Variants in TMEM132B observed in about 807,000 individuals in gnomAD.
TMEM132B encodes the protein transmembrane protein 132B.
In TMEM132B, 18 loss-of-function variants were observed where a neutral mutation model predicts 90.8. That is an observed-to-expected ratio of 0.20 (90% confidence interval 0.14 to 0.29). TMEM132B has a LOEUF of 0.29. Ranked by LOEUF, TMEM132B falls within the 10% of genes least tolerant of loss-of-function variation. TMEM132B has a pLI of 1.00. For synonymous variants in TMEM132B, 504 were observed against 523.3 expected (o/e 0.96, Z 0.50); for missense variants, 1,096 against 1,326.8 (o/e 0.83, Z 2.70).
intron 5 of TMEM132B, chr12:125,585,670 C>A (rs947375187): frequency 6.6e-6 from 1 of 152,246 alleles, no homozygotes; most frequent in Non-Finnish European, 1.5e-5. Context: ...TCCAAGTTCA[C>A]AGATCCCGTT....
chr12:125,550,977 TA>T (rs1884215086), intron 4 of TMEM132B, among the ~76,000 whole-genome samples: 1 of 152,178 alleles, frequency 6.6e-6, no homozygotes, highest in Non-Finnish European at 1.5e-5. Flanking sequence ...CACGCTCAGC[TA>T]CTTTTTGTAT....
At position 125,654,618 on chromosome 12, in the gene TMEM132B, G is replaced by A. The variant is rs924808831; in HGVS notation, c.3160G>A (p.Asp1054Asn). The change falls in exon 9 of 9, where the codon GAT (aspartate) becomes AAT (asparagine). Residue 1054 changes from aspartate to asparagine, a missense_variant. Transcript: ENST00000682704. The surrounding 1 kb of genome is among the most constrained non-coding windows in gnomAD (Gnocchi z 5.8). ...PYTNSILFDS[D>N]DNIKWVCQDM... The stretch of plus-strand genomic sequence containing the variant: ...CACCAACTCCATCCTGTTTGACAGC[G>A]ATGATAACATCAAGTGGGTCTGCCA... The A allele has an allele frequency of 1.9e-6, 3 of 1,614,208 alleles. No individual in the cohort carries two copies. Among genetic ancestry groups the A allele is most frequent in the East Asian group, 2.2e-5 (1 of 44,880 alleles).
Position 125,277,502 on chromosome 12 carries a change from A to AACACACAC in TMEM132B, c.68-71930_68-71923dup, listed in dbSNP as rs60316781. Among the ~76,000 whole-genome samples, 5,367 of 143,116 alleles carry AACACACAC rather than the reference A, an allele frequency of 0.038. 369 individuals carry two copies. Among genetic ancestry groups the AACACACAC allele is most frequent in the African/African-American group, 0.14 (5,061 of 37,324 alleles). 93.9% of individuals were successfully genotyped at this position (143,116 alleles called of 152,430 possible). ...TCAAAAAAAAAAGATGAAGAGGGAG[A>AACACACAC]ACACACACACACACACACACACACA... On this transcript the variant is annotated intron_variant, in intron 1 of 8. Coordinates refer to ENST00000682704, the MANE Select transcript of TMEM132B (RefSeq NM_001366854.1). This position sits in a 1 kb window ranked among gnomAD's most constrained non-coding sequence, Gnocchi z 4.3.
At chr12:125,429,596 T>C (rs1880436826) in intron 3 of TMEM132B, among the ~76,000 whole-genome samples, 1 of 152,180 alleles carries the variant, frequency 6.6e-6, no homozygotes, top group African/African-American at 2.4e-5. Context: ...TTCTCAGCCT[T>C]TCCTGTTTTA....
intron 3 of TMEM132B, among the ~76,000 whole-genome samples, chr12:125,456,691 T>C (rs1881301297): frequency 6.6e-6 from 1 of 152,322 alleles, no homozygotes; most frequent in East Asian, 1.9e-4. Context: ...GTTCTGCTTA[T>C]TCCCAGGCCT....
At position 125,660,578 on chromosome 12, in the gene TMEM132B, T is replaced by C. The variant is rs1368337984; in HGVS notation, c.*5868T>C. Reference sequence around the variant, plus strand: ...ACAAAAAAAAAGCGCAGAAACATTTTCATCTGGGTTACTGTGTTTATAGAC... The same window carrying C: ...ACAAAAAAAAAGCGCAGAAACATTTCCATCTGGGTTACTGTGTTTATAGAC... On this transcript the variant is annotated 3_prime_UTR_variant, in exon 9 of 9. Coordinates refer to ENST00000682704, the MANE Select transcript of TMEM132B (RefSeq NM_001366854.1). 6.6e-6 allele frequency: 1 copy of C among 152,230 alleles called. No individual in the cohort carries two copies. The highest frequency in any genetic ancestry group is 1.5e-5 in the Non-Finnish European group (1 of 68,032). The allele number at this position is 152,230 out of a possible 1,614,324, so 9.4% of individuals were successfully genotyped here. A position where few individuals can be genotyped will look rare whatever the true frequency, so the allele number is the denominator to read the frequency against.
intron 1 of TMEM132B, among the ~76,000 whole-genome samples, chr12:125,303,719 A>G (rs949825318): frequency 6.6e-6 from 1 of 152,150 alleles, no homozygotes; most frequent in African/African-American, 2.4e-5. Flanking sequence ...TTTGATTTGC[A>G]TTTCCTTAAT....
chr12:125,311,278 T>G (rs1353214296), intron 1 of TMEM132B, among the ~76,000 whole-genome samples: 1 of 152,190 alleles, frequency 6.6e-6, no homozygotes, highest in Admixed American at 6.5e-5. Flanking sequence ...CCATTTTGAT[T>G]CTGGGTTATG....
In TMEM132B at chr12:125,415,706, C is replaced by T. The variant is rs141421615; in HGVS notation, c.1106+29C>T. Reference sequence around the variant, plus strand: ...AGCATGGAGATCCCCAAGGCACCTCCGCAGTGGGGAGGAGGGGAGTGGCTG... The same window carrying T: ...AGCATGGAGATCCCCAAGGCACCTCTGCAGTGGGGAGGAGGGGAGTGGCTG... On this transcript the variant is annotated intron_variant, in intron 3 of 8. Coordinates refer to ENST00000682704, the MANE Select transcript of TMEM132B (RefSeq NM_001366854.1). This position sits in a 1 kb window ranked among gnomAD's most constrained non-coding sequence, Gnocchi z 5.3. 0.01 allele frequency: 16,692 copies of T among 1,611,378 alleles called. 107 individuals are homozygous for T. Among genetic ancestry groups the T allele is most frequent in the Non-Finnish European group, 0.013 (14,772 of 1,178,478 alleles).
intron 5 of TMEM132B, among the ~76,000 whole-genome samples, chr12:125,612,567 T>A (rs890848681): frequency 2.8e-5 from 4 of 145,038 alleles, no homozygotes; most frequent in African/African-American, 1.0e-4. Flanking sequence ...ATATATATAA[T>A]ATATATAAAA....
chr12:125,453,712 T>A (rs747452391), intron 3 of TMEM132B, among the ~76,000 whole-genome samples: 4 of 152,230 alleles, frequency 2.6e-5, no homozygotes, highest in Non-Finnish European at 4.4e-5. Context: ...CCAGTCAGTG[T>A]GAGAGCTGCT....
intron 2 of TMEM132B, among the ~76,000 whole-genome samples, chr12:125,384,941 C>G (rs931443221): frequency 2.0e-5 from 3 of 152,180 alleles, no homozygotes; most frequent in Admixed American, 2.0e-4. Context: ...CATGAGCCAC[C>G]ATGCCCAGCC....
chr12:125,231,872 A>ACTT (rs1409041212), intron 1 of TMEM132B, among the ~76,000 whole-genome samples: 1 of 146,634 alleles, frequency 6.8e-6, no homozygotes, highest in Non-Finnish European at 1.5e-5. Context: ...ACAAAATAAA[A>ACTT]CTTCTTTTGT....
intron 3 of TMEM132B, among the ~76,000 whole-genome samples, chr12:125,506,516 A>T (rs1882850612): frequency 6.6e-6 from 1 of 152,198 alleles, no homozygotes; most frequent in South Asian, 2.1e-4. Flanking sequence ...TCCCATGTAA[A>T]TTATAGTTGT....
In TMEM132B at chr12:125,531,715, C is replaced by T. The variant is rs139049585; in HGVS notation, c.1293+12090C>T. On this transcript the variant is annotated intron_variant, in intron 4 of 8. Transcript: ENST00000682704. Reference sequence around the variant, plus strand: ...AAACAGCCATAACCTCAGTTATATACGCACCATTTCACCTGATTGATCCTA... The same window carrying T: ...AAACAGCCATAACCTCAGTTATATATGCACCATTTCACCTGATTGATCCTA... 1.1e-4 allele frequency among the ~76,000 whole-genome samples: 17 copies of T among 152,346 alleles called. No homozygotes were observed. The East Asian group carries it at 1.5e-3, about 14-fold the overall frequency.
intron 3 of TMEM132B, among the ~76,000 whole-genome samples, chr12:125,424,026 C>T (rs1297951724): frequency 6.6e-6 from 1 of 152,110 alleles, no homozygotes; most frequent in East Asian, 1.9e-4. Context: ...TTGTGGAGCC[C>T]TTCAATGAAT....
chr12:125,556,475 A>C (rs1022746012), intron 4 of TMEM132B, among the ~76,000 whole-genome samples: 2 of 152,116 alleles, frequency 1.3e-5, no homozygotes, highest in African/African-American at 4.8e-5. Flanking sequence ...TAGAAGAAAA[A>C]CCCGGGGGAT....
At chr12:125,430,124 C>T (rs551314708) in intron 3 of TMEM132B, among the ~76,000 whole-genome samples, 7 of 152,306 alleles carry the variant, frequency 4.6e-5, no homozygotes, top group South Asian at 2.1e-4. Context: ...CACGCCTGAC[C>T]GTGCCTGACA....
intron 1 of TMEM132B, among the ~76,000 whole-genome samples, chr12:125,226,149 T>G (rs915404904): frequency 1.2e-4 from 18 of 152,190 alleles, no homozygotes; most frequent in Admixed American, 2.0e-4. Context: ...AGCAGCAGCA[T>G]CAACTCCCCA....
Sources: allele counts gnomAD v4.1 joint callset (sites outside exome capture counted in the v4.1 genomes callset), GRCh38; gene constraint gnomAD v4.1.1; non-coding constraint Gnocchi (gnomAD v3.1); transcripts MANE v1.5; gene names NCBI Gene and HGNC (gene_info 2026-07-23, HGNC 2026-07-21).